PAK4: variants seen among roughly 807,000 people sequenced by gnomAD.
PAK4 encodes p21 (RAC1) activated kinase 4.
PAK4 carries 49 observed loss-of-function variants against 53.5 expected under a neutral mutation model. The ratio of observed to expected loss-of-function variants is 0.92; its 90% confidence interval spans 0.73 to 1.16. PAK4 has a LOEUF of 1.16. Among genes scored for constraint, PAK4 ranks in the 50% most tolerant of loss-of-function variants. The pLI, the probability that PAK4 is intolerant of heterozygous loss-of-function variation, is 0.00. For synonymous variants in PAK4, 376 were observed against 375.6 expected (o/e 1.00, Z -0.01); for missense variants, 824 against 850.7 (o/e 0.97, Z 0.39).
chr19:39,165,055 A>G (rs1328994248), intron 1 of PAK4, among the ~76,000 whole-genome samples: 1 of 151,782 alleles, frequency 6.6e-6, no homozygotes, highest in Non-Finnish European at 1.5e-5. Flanking sequence ...GGTCCAGGAC[A>G]GGTCACACAG....
At chr19:39,176,678 C>T in exon 7 of PAK4, 2 of 1,612,232 alleles carry the variant, frequency 1.2e-6, no homozygotes, top group Non-Finnish European at 1.7e-6. Flanking sequence ...TACTGGATGG[C>T]CCCAGAGCTC....
chr19:39,163,985 T>A (rs2074326644), intron 1 of PAK4, among the ~76,000 whole-genome samples: 1 of 152,128 alleles, frequency 6.6e-6, no homozygotes, highest in African/African-American at 2.4e-5. Context: ...TGCTAAAGAA[T>A]TACACATATG....
chr19:39,143,619 AAAAAG>A, intron 1 of PAK4, among the ~76,000 whole-genome samples: 1 of 143,872 alleles, frequency 7.0e-6, no homozygotes, highest in East Asian at 2.0e-4. Flanking sequence ...AAAAAAAAAA[AAAAAG>A]AATTGTTGAG....
At chr19:39,158,669 G>A (rs1025290146) in intron 1 of PAK4, among the ~76,000 whole-genome samples, 4 of 152,182 alleles carry the variant, frequency 2.6e-5, no homozygotes, top group African/African-American at 7.2e-5. Context: ...GGCTCTGAGC[G>A]CCAGCCTGGG....
chr19:39,172,327 C>T (rs566482920), intron 2 of PAK4, among the ~76,000 whole-genome samples: 6 of 152,124 alleles, frequency 3.9e-5, no homozygotes, highest in Non-Finnish European at 7.4e-5. Context: ...CCGGGTGACT[C>T]GGGATGCACT....
At chr19:39,156,316 C>A (rs958921913) in intron 1 of PAK4, among the ~76,000 whole-genome samples, 1 of 151,836 alleles carries the variant, frequency 6.6e-6, no homozygotes, top group African/African-American at 2.4e-5. Flanking sequence ...CACCTAGTGG[C>A]CCCTGTCACT....
intron 1 of PAK4, among the ~76,000 whole-genome samples, chr19:39,154,757 G>A (rs2074148657): frequency 6.6e-6 from 1 of 152,158 alleles, no homozygotes; most frequent in Non-Finnish European, 1.5e-5. Context: ...TTGCAGAGCT[G>A]CCCCACGTGG....
rs1010868579 is a variant in PAK4 at position 39,175,574 on chromosome 19, C to T, written c.1359+136C>T. 5 of 969,114 alleles carry T rather than the reference C, an allele frequency of 5.2e-6. No individual in the cohort carries two copies. The East Asian group carries it at 1.1e-4, about 20-fold the overall frequency. The allele number at this position is 969,114 out of a possible 1,614,324, so 60.0% of individuals were successfully genotyped here. ...TCTTGAGGAGCTGGGAACTTCGTCC[C>T]TCCCTGGTGGAGCAGCCCAGAGTCA... On this transcript the variant is annotated intron_variant, in intron 6 of 8. Coordinates refer to ENST00000358301, the Ensembl canonical transcript of PAK4. The surrounding 1 kb of genome is among the most constrained non-coding windows in gnomAD (Gnocchi z 4.7).
chr19:39,141,949 A>G (rs530174663), intron 1 of PAK4, among the ~76,000 whole-genome samples: 20 of 152,222 alleles, frequency 1.3e-4, no homozygotes, highest in Admixed American at 5.2e-4. Context: ...TTGGGTCTGG[A>G]CAAGGTCTAC....
chr19:39,174,126 C>G (rs942626720), intron 4 of PAK4, 116 bp downstream of exon 5: 2 of 713,966 alleles, frequency 2.8e-6, no homozygotes, highest in African/African-American at 3.6e-5. Context: ...CTCCCCTCCT[C>G]CCCTCACTCT....
At chr19:39,181,083 T>TTTTGC (rs775621588), downstream of PAK4, 1 of 144,518 alleles carries the variant, frequency 6.9e-6, no homozygotes, top group African/African-American at 2.5e-5. Flanking sequence ...GTTTGTTTTG[T>TTTTGC]TTTGTTTTGT....
chr19:39,176,435 G>T (rs2074606396), intron 6 of PAK4, 155 bp from the exon 8 acceptor site: 2 of 961,290 alleles, frequency 2.1e-6, no homozygotes. Context: ...CTCCCCATTG[G>T]TCTGGCTCTA....
At chr19:39,128,765 A>T (rs1425203378) in intron 1 of PAK4, among the ~76,000 whole-genome samples, 1 of 152,184 alleles carries the variant, frequency 6.6e-6, no homozygotes, top group Non-Finnish European at 1.5e-5. Flanking sequence ...TGGGTGTGGC[A>T]GTCACCATTC....
intron 1 of PAK4, among the ~76,000 whole-genome samples, chr19:39,143,944 G>A (rs2073954727): frequency 6.7e-6 from 1 of 148,260 alleles, no homozygotes; most frequent in Non-Finnish European, 1.5e-5. Context: ...AGCTACTCAG[G>A]AGGCTGAGGT....
At chr19:39,172,804 C>T (rs1030072884) in intron 2 of PAK4, 114 bp from the exon 4 acceptor site, 58 of 886,118 alleles carry the variant, frequency 6.5e-5, no homozygotes, top group Non-Finnish European at 8.6e-5. Flanking sequence ...CTCTTCATTG[C>T]GTCTCTGTCT....
intron 1 of PAK4, among the ~76,000 whole-genome samples, chr19:39,160,427 G>C (rs990937691): frequency 1.3e-5 from 2 of 152,216 alleles, no homozygotes; most frequent in Admixed American, 1.3e-4. Context: ...CAGTCAGTAG[G>C]TGTAGGATGC....
At chr19:39,172,826 G>A (rs1440356484) in intron 2 of PAK4, 92 bp from the exon 4 acceptor site, 2 of 1,043,478 alleles carry the variant, frequency 1.9e-6, no homozygotes, top group African/African-American at 1.6e-5. Flanking sequence ...GTCTCTGTGT[G>A]TGTCGTGCTG....
chr19:39,178,410 C>A lies in PAK4; in HGVS notation c.1621-14C>A, dbSNP rs761048357. 1 of 1,573,214 alleles carries A rather than the reference C, an allele frequency of 6.4e-7. No individual in the cohort carries two copies. Among genetic ancestry groups the A allele is most frequent in the East Asian group, 2.4e-5 (1 of 42,280 alleles). The stretch of plus-strand genomic sequence containing the variant: ...GGGAGCCTCGCCCCCTGACCCTCCC[C>A]TCCTTCTCGACAGGTGTCGCCATCC... On this transcript the variant is annotated splice_polypyrimidine_tract_variant and intron_variant, in intron 8 of 8. Coordinates refer to ENST00000358301, the Ensembl canonical transcript of PAK4. The surrounding 1 kb of genome is among the most constrained non-coding windows in gnomAD (Gnocchi z 4.4).
intron 1 of PAK4, among the ~76,000 whole-genome samples, chr19:39,165,195 G>GATGATAATAATAATAATA (rs1364745681): frequency 1.2e-4 from 15 of 128,434 alleles, no homozygotes; most frequent in African/African-American, 4.4e-4. Flanking sequence ...TGATGATGAT[G>GATGATAATAATAATAATA]ATAATAATAA....
Sources: allele counts gnomAD v4.1 joint callset (sites outside exome capture counted in the v4.1 genomes callset), GRCh38; gene constraint gnomAD v4.1.1; non-coding constraint Gnocchi (gnomAD v3.1); transcripts MANE v1.5; gene names NCBI Gene and HGNC (gene_info 2026-07-23, HGNC 2026-07-21).